SNX29: variants seen among roughly 807,000 people sequenced by gnomAD.
The protein encoded by SNX29 is sorting nexin 29.
Under a neutral mutation model 102.1 loss-of-function variants are expected in SNX29, and 78 were observed. The ratio of observed to expected loss-of-function variants is 0.76; its 90% CI spans 0.64 to 0.92. The LOEUF is 0.92. Ranked by LOEUF, SNX29 falls within the 40% of genes least tolerant of loss-of-function variation. The pLI is 0.00. For synonymous variants in SNX29, 580 were observed against 414.5 expected (o/e 1.40, Z -4.85); for missense variants, 1,280 against 1,061.7 (o/e 1.21, Z -2.86).
intron 16 of SNX29, among the ~76,000 whole-genome samples, chr16:12,380,435 T>A (rs1458211423): frequency 2.3e-5 from 1 of 42,664 alleles, no homozygotes; most frequent in African/African-American, 7.0e-5. Flanking sequence ...TCCATCCACC[T>A]AGCTACCTAC....
At chr16:12,245,692 G>A (rs77577484) in intron 14 of SNX29, among the ~76,000 whole-genome samples, 2,619 of 152,182 alleles carry the variant, frequency 0.017, 92 homozygotes, top group African/African-American at 0.06. Flanking sequence ...GCCTTGGTCA[G>A]TGAATTCTGA....
chr16:12,114,000 G>C (rs975621006), intron 11 of SNX29, among the ~76,000 whole-genome samples: 1 of 152,226 alleles, frequency 6.6e-6, no homozygotes, highest in Non-Finnish European at 1.5e-5. Flanking sequence ...TGCCATGCCA[G>C]TTAGAGGCTG....
In SNX29 at chr16:12,415,605, C is replaced by A. The variant is rs149666812; in HGVS notation, c.2037+12076C>A. On this transcript the variant is annotated intron_variant, in intron 18 of 20. Transcript: ENST00000566228. ...ACTATGCCAGGCCCAGCGTCTGCCT[C>A]CGTCAGACCTTCCATCCCACCTGAT... is the stretch of plus-strand genomic sequence containing the variant. Among the ~76,000 whole-genome samples the A allele has an allele frequency of 1.4e-3, 206 of 152,346 alleles. 1 individual carries two copies. Among genetic ancestry groups the A allele is most frequent in the African/African-American group, 4.6e-3 (192 of 41,588 alleles).
intron 19 of SNX29, among the ~76,000 whole-genome samples, chr16:12,510,157 G>A (rs780859772): frequency 1.3e-5 from 2 of 152,220 alleles, no homozygotes; most frequent in Non-Finnish European, 2.9e-5. Flanking sequence ...TACCGCCCAG[G>A]ACGAGAATTC....
Position 12,019,227 on chromosome 16 carries a change from C to T in SNX29, c.123-8093C>T, listed in dbSNP as rs531461094. Among the ~76,000 whole-genome samples, 52 of 151,908 alleles carry T rather than the reference C, an allele frequency of 3.4e-4. No homozygotes were observed. The East Asian group carries it at 8.1e-3, about 24-fold the overall frequency. ...ACCAGTAATGCTTTTTGTTTTTTTG[C>T]GATGGAGTCTCGCTCTGTCACCCAG... On this transcript the variant is annotated intron_variant, in intron 3 of 20. Coordinates refer to ENST00000566228, the MANE Select transcript of SNX29 (RefSeq NM_032167.5).
chr16:12,365,143 CTTTAT>C (rs2082424014), intron 16 of SNX29, among the ~76,000 whole-genome samples: 1 of 152,124 alleles, frequency 6.6e-6, no homozygotes, highest in Non-Finnish European at 1.5e-5. Context: ...ACTGCTCACT[CTTTAT>C]TTTATGTTTT....
At chr16:12,091,773 C>A (rs1447932624) in intron 11 of SNX29, among the ~76,000 whole-genome samples, 1 of 76,766 alleles carries the variant, frequency 1.3e-5, no homozygotes, top group African/African-American at 5.8e-5. Flanking sequence ...CAAGATCCTT[C>A]TCAAAAAAAA....
intron 10 of SNX29, among the ~76,000 whole-genome samples, chr16:12,074,503 T>A (rs1250053178): frequency 1.3e-5 from 2 of 152,246 alleles, no homozygotes; most frequent in East Asian, 3.8e-4. Context: ...CCCACTCTCT[T>A]CTGGCTTGTA....
intron 1 of SNX29, among the ~76,000 whole-genome samples, chr16:11,987,948 G>A (rs1490050181): frequency 6.6e-6 from 1 of 152,156 alleles, no homozygotes; most frequent in Non-Finnish European, 1.5e-5. Context: ...GTTACCAGTG[G>A]TGTGTACTTG....
At chr16:12,231,536 AAAAAAAC>A (rs140335149) in intron 14 of SNX29, among the ~76,000 whole-genome samples, 65,427 of 150,260 alleles carry the variant, frequency 0.44, 16,001 homozygotes, top group Non-Finnish European at 0.57. Context: ...CCTTTTTAAA[AAAAAAAC>A]AAAAAACAAA....
intron 13 of SNX29, among the ~76,000 whole-genome samples, chr16:12,147,446 A>G (rs903770739): frequency 6.6e-6 from 1 of 152,216 alleles, no homozygotes; most frequent in Admixed American, 6.5e-5. Flanking sequence ...TTAATGCTTC[A>G]TTTCTTGTCT....
intron 14 of SNX29, among the ~76,000 whole-genome samples, chr16:12,242,638 T>C (rs1596608254): frequency 6.6e-6 from 1 of 151,208 alleles, no homozygotes; most frequent in African/African-American, 2.4e-5. Context: ...TCTCTTCTTC[T>C]TTTCTTCTTG....
At chr16:12,051,237 G>A (rs1405227742) in intron 7 of SNX29, among the ~76,000 whole-genome samples, 2 of 151,816 alleles carry the variant, frequency 1.3e-5, no homozygotes, top group Non-Finnish European at 2.9e-5. Context: ...GCTGAGGGCA[G>A]AGGATTGTTT....
chr16:12,424,642 T>G (rs1001996909), intron 18 of SNX29, among the ~76,000 whole-genome samples: 1 of 152,174 alleles, frequency 6.6e-6, no homozygotes, highest in Non-Finnish European at 1.5e-5. Context: ...AAGTAGCTTA[T>G]GAAGCAAGCA....
At chr16:12,211,399 CG>C (rs961486730) in intron 14 of SNX29, among the ~76,000 whole-genome samples, 1 of 152,144 alleles carries the variant, frequency 6.6e-6, no homozygotes, top group Admixed American at 6.5e-5. Context: ...TGCTGGGCCC[CG>C]GGGTAGCTTT....
chr16:11,977,077 AGTT>A, intron 1 of SNX29: 1 of 380,848 alleles, frequency 2.6e-6, no homozygotes, highest in Non-Finnish European at 4.6e-6. Flanking sequence ...CCCTGTCCCC[AGTT>A]GTTCCAGTCC....
intron 18 of SNX29, among the ~76,000 whole-genome samples, chr16:12,411,883 T>C (rs958994445): frequency 1.3e-5 from 2 of 152,206 alleles, no homozygotes; most frequent in Non-Finnish European, 2.9e-5. Context: ...CCACTTGACT[T>C]GTGATAAGCA....
intron 15 of SNX29, among the ~76,000 whole-genome samples, chr16:12,330,391 C>T (rs554423245): frequency 6.6e-6 from 1 of 152,240 alleles, no homozygotes; most frequent in South Asian, 2.1e-4. Context: ...CGCATGAACC[C>T]AGGAGGCAGA....
At chr16:12,398,334 C>G (rs1174068518) in intron 16 of SNX29, 112 bp from the exon 17 acceptor site, 1 of 1,187,798 alleles carries the variant, frequency 8.4e-7, no homozygotes, top group East Asian at 2.3e-5. Flanking sequence ...TCACTTCATT[C>G]TGAATAGGAA....
Sources: gnomAD v4.1 joint callset for allele counts (sites outside exome capture counted in the v4.1 genomes callset) on GRCh38, gnomAD v4.1.1 for gene constraint, MANE v1.5 for transcripts, NCBI Gene and HGNC (gene_info 2026-07-23, HGNC 2026-07-21) for gene names.